DCDC1: variants seen among roughly 807,000 people sequenced by gnomAD.
DCDC1 encodes doublecortin domain containing 1, also known as doublecortin domain-containing protein 1.
In DCDC1, 200 loss-of-function variants were observed where a neutral mutation model predicts 178.3. The ratio of observed to expected loss-of-function variants is 1.12; its 90% CI spans 1.00 to 1.26. DCDC1 has a LOEUF of 1.26. Ranked by LOEUF, DCDC1 falls within the 50% of genes most tolerant of loss-of-function variation. The pLI is 0.00. For synonymous variants in DCDC1, 690 were observed against 604.8 expected (o/e 1.14, Z -2.07); for missense variants, 1,983 against 1,749.2 (o/e 1.13, Z -2.38).
At chr11:30,957,947 A>G (rs1254452191) in intron 20 of DCDC1, among the ~76,000 whole-genome samples, 1 of 152,130 alleles carries the variant, frequency 6.6e-6, no homozygotes, top group Admixed American at 6.6e-5. Flanking sequence ...TGGCAGAAGA[A>G]CTCAAGCCTG....
chr11:31,191,556 T>C (rs973720824), intron 9 of DCDC1, among the ~76,000 whole-genome samples: 2 of 152,082 alleles, frequency 1.3e-5, no homozygotes, highest in African/African-American at 4.8e-5. Context: ...TGTTGATTGA[T>C]AATGGTACAA....
At chr11:31,246,046 A>G (rs1376458734) in intron 8 of DCDC1, among the ~76,000 whole-genome samples, 2 of 151,948 alleles carry the variant, frequency 1.3e-5, no homozygotes, top group Non-Finnish European at 2.9e-5. Context: ...CCGAGGGAAT[A>G]TATATCCCTC....
At chr11:31,029,645 A>G (rs1391470738) in intron 20 of DCDC1, among the ~76,000 whole-genome samples, 3 of 152,146 alleles carry the variant, frequency 2.0e-5, no homozygotes, top group Non-Finnish European at 4.4e-5. Context: ...TATGTAATTG[A>G]TGAGAAAATA....
At chr11:30,904,925 G>A in intron 31 of DCDC1, 36 bp downstream of exon 31, 1 of 1,610,116 alleles carries the variant, frequency 6.2e-7, no homozygotes, top group Non-Finnish European at 8.5e-7. Context: ...CATTACCTCT[G>A]AAGATGCAAG....
chr11:31,266,383 C>T (rs1456082209), intron 7 of DCDC1, among the ~76,000 whole-genome samples: 1 of 152,170 alleles, frequency 6.6e-6, no homozygotes, highest in South Asian at 2.1e-4. Flanking sequence ...AAAAGTTCTA[C>T]TCACAAGGTG....
intron 20 of DCDC1, among the ~76,000 whole-genome samples, chr11:30,973,680 C>T (rs999037560): frequency 1.3e-5 from 2 of 152,090 alleles, no homozygotes; most frequent in Non-Finnish European, 2.9e-5. Flanking sequence ...ATAAAGTGAT[C>T]AATTCAGTAA....
chr11:31,061,902 G>A (rs1381922098), intron 20 of DCDC1, among the ~76,000 whole-genome samples: 1 of 151,940 alleles, frequency 6.6e-6, no homozygotes, highest in East Asian at 1.9e-4. Flanking sequence ...GTCTTTTTTG[G>A]CGTCACTTTT....
rs572824899 is a variant in DCDC1, at chr11:30,972,897, G to C, written c.2592-20329C>G. ...CTGGTGGGAGGTGACTGAATCATAG[G>C]GGTAGTTTCTCATGGTTTAAAATCA... On this transcript the variant is annotated intron_variant, in intron 20 of 38. Transcript: ENST00000684477. Among the ~76,000 whole-genome samples, 13 of 152,090 alleles carry C rather than the reference G, an allele frequency of 8.5e-5. No individual in the cohort carries two copies. In the Middle Eastern group the frequency reaches 0.01, roughly 119 times the overall value.
At chr11:31,282,262 T>C (rs1316496775) in intron 7 of DCDC1, among the ~76,000 whole-genome samples, 2 of 151,942 alleles carry the variant, frequency 1.3e-5, no homozygotes, top group South Asian at 2.1e-4. Flanking sequence ...CATAGAGAGA[T>C]TTTGAGATAT....
At chr11:30,931,254 A>T (rs1440897379) in intron 22 of DCDC1, among the ~76,000 whole-genome samples, 1 of 152,128 alleles carries the variant, frequency 6.6e-6, no homozygotes, top group African/African-American at 2.4e-5. Flanking sequence ...AAGGTAAGCT[A>T]AAGTGTCAAT....
At position 30,888,065 on chromosome 11, in the gene DCDC1, AGAG is replaced by A. The variant is rs577248029; in HGVS notation, c.5082+4750_5082+4752del. Among the ~76,000 whole-genome samples, 915 of 91,968 alleles carry A rather than the reference AGAG, an allele frequency of 9.9e-3. 32 individuals carry two copies. The highest frequency in any genetic ancestry group is 0.036 in the African/African-American group (811 of 22,236). 60.3% of individuals were successfully genotyped at this position (91,968 alleles called of 152,430 possible). A position where few individuals can be genotyped will look rare whatever the true frequency, so the allele number is the denominator to read the frequency against. ...AAGAAAGAAAGAAAGAAAGAAAGAG[AGAG>A]AGAGAGAGAGAGAGAGAAAGAAAGA... On this transcript the variant is annotated intron_variant, in intron 36 of 38. Transcript: ENST00000684477.
chr11:31,339,569 T>TA (rs1040008932), intron 1 of DCDC1, among the ~76,000 whole-genome samples: 1 of 152,242 alleles, frequency 6.6e-6, no homozygotes. Flanking sequence ...ATATTATAGT[T>TA]AAAAAAAATT....
intron 20 of DCDC1, among the ~76,000 whole-genome samples, chr11:31,047,973 C>T: frequency 6.6e-6 from 1 of 152,142 alleles, no homozygotes; most frequent in Non-Finnish European, 1.5e-5. Flanking sequence ...TATTGTCATA[C>T]AAGCTGCCAT....
intron 9 of DCDC1, among the ~76,000 whole-genome samples, chr11:31,190,425 A>G (rs1970002984): frequency 6.6e-6 from 1 of 152,178 alleles, no homozygotes; most frequent in Non-Finnish European, 1.5e-5. Flanking sequence ...ATCACTGCAT[A>G]TATGTGACTT....
intron 1 of DCDC1, among the ~76,000 whole-genome samples, chr11:31,337,641 GGTGA>G (rs1175544093): frequency 5.4e-5 from 8 of 147,064 alleles, no homozygotes; most frequent in East Asian, 2.0e-4. Context: ...CTCCTGCCTG[GGTGA>G]GTGAGACCCT....
intron 20 of DCDC1, among the ~76,000 whole-genome samples, chr11:30,996,581 T>G (rs539731545): frequency 6.6e-6 from 1 of 152,242 alleles, no homozygotes; most frequent in South Asian, 2.1e-4. Context: ...GTTCATCCCT[T>G]TTGCCCTTTC....
intron 15 of DCDC1, among the ~76,000 whole-genome samples, 187 bp from the exon 16 acceptor site, chr11:31,094,371 C>G (rs1958009910): frequency 6.6e-6 from 1 of 152,122 alleles, no homozygotes; most frequent in South Asian, 2.1e-4. Context: ...CTCTATTATG[C>G]AAGACCCTAT....
chr11:31,168,581 A>T (rs1346686448), intron 9 of DCDC1, among the ~76,000 whole-genome samples: 1 of 152,176 alleles, frequency 6.6e-6, no homozygotes, highest in African/African-American at 2.4e-5. Flanking sequence ...AGTCGGAGAA[A>T]ATCCTTTGAG....
At chr11:31,011,119 C>CA (rs1952142425) in intron 20 of DCDC1, among the ~76,000 whole-genome samples, 1 of 151,866 alleles carries the variant, frequency 6.6e-6, no homozygotes, top group South Asian at 2.1e-4. Context: ...ATTCAACATG[C>CA]AAAAAAACTC....
Sources: gnomAD v4.1 joint callset for allele counts (sites outside exome capture counted in the v4.1 genomes callset) on GRCh38, gnomAD v4.1.1 for gene constraint, MANE v1.5 for transcripts, NCBI Gene and HGNC (gene_info 2026-07-23, HGNC 2026-07-21) for gene names.